The following FBXL17 variants were observed in gnomAD, a reference collection of about 807,000 sequenced individuals.
The protein encoded by FBXL17 is F-box and leucine rich repeat protein 17.
Under a neutral mutation model 66.2 loss-of-function variants are expected in FBXL17, and 22 were observed. That is an observed-to-expected ratio of 0.33 (90% CI 0.24 to 0.47). The LOEUF is 0.47. Among genes scored for constraint, FBXL17 ranks in the 20% least tolerant of loss-of-function variants. The pLI is 1.00. For synonymous variants in FBXL17, 474 were observed against 400.5 expected (o/e 1.18, Z -2.19); for missense variants, 878 against 948.2 (o/e 0.93, Z 0.97).
chr5:108,106,222 T>A (rs998126733), intron 6 of FBXL17, among the ~76,000 whole-genome samples: 12 of 152,316 alleles, frequency 7.9e-5, no homozygotes, highest in African/African-American at 2.6e-4. Context: ...TTCCTCTAAA[T>A]GTGAACATTA....
intron 6 of FBXL17, among the ~76,000 whole-genome samples, chr5:108,172,830 A>G (rs1416287528): frequency 6.6e-6 from 1 of 152,080 alleles, no homozygotes; most frequent in Non-Finnish European, 1.5e-5. Context: ...GATGGAGTTT[A>G]GCTCTTGTTG....
chr5:108,231,804 A>T lies in FBXL17; in HGVS notation c.1507-7576T>A, dbSNP rs955745703. ...CATAAAAGAGATAGGAACACAGGAG[A>T]TCCATACAGGATACAGGAATGCATG... On this transcript the variant is annotated intron_variant, in intron 4 of 8. Transcript: ENST00000542267. 4.6e-5 allele frequency among the ~76,000 whole-genome samples: 7 copies of T among 152,290 alleles called. No homozygotes were observed. The East Asian group carries it at 9.7e-4, about 21-fold the overall frequency.
intron 3 of FBXL17, among the ~76,000 whole-genome samples, chr5:108,355,511 G>A (rs1241211062): frequency 6.6e-6 from 1 of 151,994 alleles, no homozygotes; most frequent in East Asian, 1.9e-4. Flanking sequence ...TCGAACTCCT[G>A]ACCTCAGGTA....
chr5:108,185,893 G>T (rs1753208803), intron 6 of FBXL17, among the ~76,000 whole-genome samples: 2 of 152,150 alleles, frequency 1.3e-5, no homozygotes, highest in South Asian at 4.1e-4. Flanking sequence ...TGTTACAATT[G>T]TTGAGGCAAA....
At chr5:108,048,123 T>G (rs1284805990) in intron 6 of FBXL17, among the ~76,000 whole-genome samples, 1 of 152,172 alleles carries the variant, frequency 6.6e-6, no homozygotes, top group Admixed American at 6.5e-5. Flanking sequence ...CCAGTCTCCT[T>G]GAGTGACATC....
At position 108,009,284 on chromosome 5, in the gene FBXL17, T is replaced by TAGATAGATAGATAG. The variant is rs1191647313; in HGVS notation, c.1822+11640_1822+11641insCTATCTATCTATCT. ...TTTTATATATATATATATATATATA[T>TAGATAGATAGATAG]ATATATATATATATATACATATATA... is the stretch of plus-strand genomic sequence containing the variant. On this transcript the variant is annotated intron_variant, in intron 7 of 8. Coordinates refer to ENST00000542267, the MANE Select transcript of FBXL17 (RefSeq NM_001163315.3). Among the ~76,000 whole-genome samples the TAGATAGATAGATAG allele has an allele frequency of 2.3e-3, 57 of 24,564 alleles. 10 individuals are homozygous for TAGATAGATAGATAG. The highest frequency in any genetic ancestry group is 3.1e-3 in the Non-Finnish European group (35 of 11,132). 16.1% of individuals were successfully genotyped at this position (24,564 alleles called of 152,430 possible).
intron 6 of FBXL17, among the ~76,000 whole-genome samples, chr5:108,086,982 C>T (rs1428782057): frequency 6.6e-6 from 1 of 152,122 alleles, no homozygotes; most frequent in Non-Finnish European, 1.5e-5. Flanking sequence ...GCCTCAGTCA[C>T]CTTGCTACCA....
At chr5:107,961,485 C>T (rs1305870044) in intron 7 of FBXL17, among the ~76,000 whole-genome samples, 1 of 152,050 alleles carries the variant, frequency 6.6e-6, no homozygotes, top group Non-Finnish European at 1.5e-5. Flanking sequence ...GCCTGAGCTG[C>T]CAAAGTGCTA....
chr5:108,351,338 CA>C (rs1016206275), intron 3 of FBXL17, among the ~76,000 whole-genome samples: 4 of 152,064 alleles, frequency 2.6e-5, no homozygotes, highest in Non-Finnish European at 4.4e-5. Context: ...AATAAACAGT[CA>C]AAAGTGGGTA....
intron 4 of FBXL17, among the ~76,000 whole-genome samples, chr5:108,321,077 T>C (rs1397697475): frequency 6.6e-6 from 1 of 151,796 alleles, no homozygotes; most frequent in Admixed American, 6.6e-5. Context: ...TAGATGCTTA[T>C]AAGAAATTAT....
intron 4 of FBXL17, among the ~76,000 whole-genome samples, chr5:108,271,340 ATC>A (rs1757258806): frequency 1.3e-5 from 2 of 152,162 alleles, no homozygotes; most frequent in Non-Finnish European, 2.9e-5. Context: ...TCAGCCCAAC[ATC>A]TGTTTGATTG....
chr5:108,182,850 C>T (rs946759869), intron 6 of FBXL17, among the ~76,000 whole-genome samples: 12 of 152,092 alleles, frequency 7.9e-5, no homozygotes, highest in African/African-American at 2.9e-4. Flanking sequence ...AATCCACTCT[C>T]CCATCTGTAT....
At chr5:108,012,929 C>T (rs575654052) in intron 7 of FBXL17, among the ~76,000 whole-genome samples, 5 of 148,596 alleles carry the variant, frequency 3.4e-5, no homozygotes, top group South Asian at 2.1e-4. Context: ...GCAGGAGAAT[C>T]GCTTGAACCT....
At chr5:108,262,822 A>G (rs1257047957) in intron 4 of FBXL17, among the ~76,000 whole-genome samples, 3 of 152,250 alleles carry the variant, frequency 2.0e-5, no homozygotes, top group Admixed American at 2.0e-4. Flanking sequence ...AACTTAGTTC[A>G]GCAGTATCTA....
intron 6 of FBXL17, among the ~76,000 whole-genome samples, chr5:108,062,318 G>A (rs967476814): frequency 3.9e-5 from 6 of 152,042 alleles, no homozygotes; most frequent in African/African-American, 1.2e-4. Flanking sequence ...GATTAAGTAA[G>A]CATATTAGCA....
intron 7 of FBXL17, among the ~76,000 whole-genome samples, chr5:107,914,611 T>C (rs1750065656): frequency 1.3e-5 from 2 of 152,324 alleles, no homozygotes; most frequent in East Asian, 3.9e-4. Context: ...GCCACAGTGG[T>C]GGGTGGGCAT....
intron 7 of FBXL17, among the ~76,000 whole-genome samples, chr5:108,013,830 T>G (rs761611083): frequency 6.6e-6 from 1 of 152,162 alleles, no homozygotes; most frequent in Non-Finnish European, 1.5e-5. Context: ...TTATCTCTGC[T>G]TGAATAGTTC....
chr5:107,872,107 T>C (rs1748476941), intron 8 of FBXL17, among the ~76,000 whole-genome samples: 1 of 152,224 alleles, frequency 6.6e-6, no homozygotes, highest in South Asian at 2.1e-4. Flanking sequence ...AGCAAAAATT[T>C]ATTCTGCATT....
intron 5 of FBXL17, among the ~76,000 whole-genome samples, chr5:108,207,207 A>G (rs1305334215): frequency 6.6e-6 from 1 of 152,192 alleles, no homozygotes; most frequent in East Asian, 1.9e-4. Flanking sequence ...ATGGAAAGTG[A>G]AACTGCAGAT....
Sources: allele counts gnomAD v4.1 joint callset (sites outside exome capture counted in the v4.1 genomes callset), GRCh38; gene constraint gnomAD v4.1.1; transcripts MANE v1.5; gene names NCBI Gene and HGNC (gene_info 2026-07-23, HGNC 2026-07-21).